The following ZNFX1 variants were observed in gnomAD, a reference collection of about 807,000 sequenced individuals.
The protein encoded by ZNFX1 is NFX1-type zinc finger-containing protein 1.
A neutral mutation model predicts 179.8 loss-of-function variants in ZNFX1; 78 were observed. The observed-to-expected ratio is 0.43, with a 90% CI of 0.36 to 0.52. The LOEUF (loss-of-function observed/expected upper bound fraction) is 0.52. Among genes scored for constraint, ZNFX1 ranks in the 20% least tolerant of loss-of-function variants. The probability of loss-of-function intolerance (pLI) is 0.00; values close to 1 mark genes in which losing one functional copy is unlikely to be tolerated. For synonymous variants in ZNFX1, 848 were observed against 868.5 expected, an observed-to-expected ratio of 0.98 and a Z score of 0.42; for missense variants, 1,927 against 2,386.6, an observed-to-expected ratio of 0.81 and a Z score of 4.01.
chr20:49,251,633 A>G lies in ZNFX1; in HGVS notation c.3217-11T>C. On this transcript the variant is annotated splice_polypyrimidine_tract_variant and intron_variant, in intron 12 of 13. Transcript: ENST00000396105. ...AGGGCACATACGGTGCTGAAAAAAC[A>G]CATGCATGTCATTAGAAACATGGGC... The G allele has an allele frequency of 6.2e-7, 1 of 1,600,854 alleles. No homozygotes were observed. The highest frequency in any genetic ancestry group is 8.5e-7 in the Non-Finnish European group (1 of 1,173,202).
At chr20:49,251,749 T>TGATGGGATTA in intron 12 of ZNFX1, 127 bp from the exon 13 acceptor site, 3 of 675,440 alleles carry the variant, frequency 4.4e-6, no homozygotes, top group Non-Finnish European at 7.2e-6. Flanking sequence ...TGTAATCCCA[T>TGATGGGATTA]CACTTTGGGA....
chr20:49,258,298 T>G (rs1748196668), intron 7 of ZNFX1, among the ~76,000 whole-genome samples: 1 of 151,420 alleles, frequency 6.6e-6, no homozygotes, highest in Non-Finnish European at 1.5e-5. Context: ...TTTCTCCATG[T>G]TGGTCAGGCT....
chr20:49,253,952 C>T (rs1287467756), intron 10 of ZNFX1, 141 bp from the exon 11 acceptor site: 8 of 942,336 alleles, frequency 8.5e-6, no homozygotes, highest in Non-Finnish European at 1.3e-5. Flanking sequence ...TCTGGGTGGT[C>T]TCCAGAACAT....
Position 49,263,401 on chromosome 20 carries a change from C to CA in ZNFX1, c.2233_2234insT (p.Arg745LeufsTer25). The CA allele has an allele frequency of 4.3e-6, 7 of 1,613,852 alleles. No individual in the cohort carries two copies. The highest frequency in any genetic ancestry group is 5.9e-6 in the Non-Finnish European group (7 of 1,179,946). ...GATGTACTTCTGCAGGTACTGTTCCCGTAGGACACCACGCATGGTGCACTC... is the reference window on the plus strand; with the variant it reads ...GATGTACTTCTGCAGGTACTGTTCCCAGTAGGACACCACGCATGGTGCACTC... On this transcript the variant is annotated frameshift_variant, in exon 6 of 14. Coordinates refer to ENST00000396105, the MANE Select transcript of ZNFX1 (RefSeq NM_021035.3). LOFTEE classifies it high-confidence loss of function.
rs1284244795 is a variant in ZNFX1 at position 49,246,137 on chromosome 20, G to C, written c.*1130C>G. Reference sequence around the variant, plus strand: ...GCATGCTAGCTCTACCCAGGGAACAGCTCCAAGAGGGAGTGTTGGGATGAA... The same window carrying C: ...GCATGCTAGCTCTACCCAGGGAACACCTCCAAGAGGGAGTGTTGGGATGAA... On this transcript the variant is annotated 3_prime_UTR_variant, in exon 14 of 14. Transcript: ENST00000396105. 6.6e-6 allele frequency: 1 copy of C among 152,234 alleles called. No homozygotes were observed. Among genetic ancestry groups the C allele is most frequent in the East Asian group, 1.9e-4 (1 of 5,194 alleles). The allele number at this position is 152,234 out of a possible 1,614,324, so 9.4% of individuals were successfully genotyped here. A position where few individuals can be genotyped will look rare whatever the true frequency, so the allele number is the denominator to read the frequency against.
At position 49,255,881 on chromosome 20, in the gene ZNFX1, T is replaced by A; in HGVS notation, c.2731A>T (p.Met911Leu). Reference sequence around the variant, plus strand: ...ATCTCGTTGGCCTCGGCTGCAGTCATGGTGTTCAGTTTGCGAAGCTCATCC... The same window carrying A: ...ATCTCGTTGGCCTCGGCTGCAGTCAAGGTGTTCAGTTTGCGAAGCTCATCC... ...VKDELRKLNT[M>L]TAAEANEIED... Residue 911 changes from methionine to leucine, a missense_variant, in exon 9 of 14, where the codon ATG (methionine) becomes TTG (leucine). By Grantham distance (15) the Met-to-Leu change is conservative. Coordinates refer to ENST00000396105, the MANE Select transcript of ZNFX1 (RefSeq NM_021035.3). 1 of 1,614,208 alleles carries A rather than the reference T, an allele frequency of 6.2e-7. No individual in the cohort carries two copies. Among genetic ancestry groups the A allele is most frequent in the Non-Finnish European group, 8.5e-7 (1 of 1,180,036 alleles).
At chr20:49,254,994 C>G (rs1370380719) in intron 9 of ZNFX1, among the ~76,000 whole-genome samples, 2 of 151,632 alleles carry the variant, frequency 1.3e-5, no homozygotes, top group African/African-American at 4.8e-5. Flanking sequence ...ATTAGTAAAA[C>G]TGATGATGTC....
At chr20:49,257,978 C>T (rs1981013955) in intron 7 of ZNFX1, among the ~76,000 whole-genome samples, 1 of 151,720 alleles carries the variant, frequency 6.6e-6, no homozygotes, top group South Asian at 2.1e-4. Flanking sequence ...TCCCAAAGTG[C>T]TGGGATTACA....
rs370452138 is a variant in ZNFX1, at chr20:49,264,561, A to G, written c.2151+155T>C. Among the ~76,000 whole-genome samples the G allele has an allele frequency of 9.9e-5, 15 of 152,268 alleles. No individual in the cohort carries two copies. In the East Asian group the frequency reaches 2.5e-3, roughly 25 times the overall value. ...GGATTGTGAAGGCAAAGGTCATACC[A>G]AGGGATTGGCAGAATAGAATGCTGA... On this transcript the variant is annotated intron_variant, in intron 5 of 13. Coordinates refer to ENST00000396105, the MANE Select transcript of ZNFX1 (RefSeq NM_021035.3).
At chr20:49,252,950 T>C in intron 11 of ZNFX1, 120 bp from the exon 12 acceptor site, 1 of 722,882 alleles carries the variant, frequency 1.4e-6, no homozygotes. Flanking sequence ...CCAGGCACTA[T>C]TCTACATACT....
rs1416690108 is a variant in ZNFX1, at chr20:49,275,882, G to A, written c.-43C>T. The A allele has an allele frequency of 1.2e-6, 2 of 1,604,630 alleles. No homozygotes were observed. The highest frequency in any genetic ancestry group is 1.7e-6 in the Non-Finnish European group (2 of 1,171,732). On this transcript the variant is annotated 5_prime_UTR_variant, in exon 2 of 14. Coordinates refer to ENST00000396105, the MANE Select transcript of ZNFX1 (RefSeq NM_021035.3). ...TCCTTCACGTTACTTTCTGTTATCT[G>A]GAAAACTGCACATGTTGAGTTATCA...
intron 4 of ZNFX1, among the ~76,000 whole-genome samples, chr20:49,265,246 G>T (rs1314360191): frequency 6.6e-6 from 1 of 152,170 alleles, no homozygotes; most frequent in Admixed American, 6.6e-5. Flanking sequence ...CCTAGCTAGG[G>T]CCCAGCACAA....
chr20:49,256,699 A>G (rs1332641445), intron 8 of ZNFX1, among the ~76,000 whole-genome samples: 1 of 152,226 alleles, frequency 6.6e-6, no homozygotes, highest in East Asian at 1.9e-4. Context: ...GCTTCTAAGA[A>G]TTGAGATCAT....
In ZNFX1 at chr20:49,271,471, T is replaced by C. The variant is rs1279181982; in HGVS notation, c.341A>G (p.Asn114Ser). The C allele has an allele frequency of 6.2e-7, 1 of 1,614,130 alleles. No homozygotes were observed. Among genetic ancestry groups the C allele is most frequent in the Non-Finnish European group, 8.5e-7 (1 of 1,180,008 alleles). Residue 114 changes from asparagine (N) to serine (S), a missense_variant, in exon 3 of 14, where the codon AAC becomes AGC. By Grantham distance (46) the Asn-to-Ser change is conservative. Transcript: ENST00000396105. ...GTCATTGGACCATGGTGGTCTGCGG[T>C]TCCTACAGTCCTGGTTGCCATTTCT... ...RWRNGNQDCRNRRPPWSNDNF... is the reference protein window; with the variant it reads ...RWRNGNQDCRSRRPPWSNDNF...
In ZNFX1 at chr20:49,253,827, A is replaced by T. The variant is rs1431734732; in HGVS notation, c.2960-16T>A. Reference sequence around the variant, plus strand: ...TTGGCAGCACCTCAAGTGAGGAAAGAAGAGAAAGGCTCCTCTGAGCTGAGG... The same window carrying T: ...TTGGCAGCACCTCAAGTGAGGAAAGTAGAGAAAGGCTCCTCTGAGCTGAGG... On this transcript the variant is annotated splice_polypyrimidine_tract_variant and intron_variant, in intron 10 of 13. Coordinates refer to ENST00000396105, the MANE Select transcript of ZNFX1 (RefSeq NM_021035.3). 1 of 1,613,582 alleles carries T rather than the reference A, an allele frequency of 6.2e-7. No individual in the cohort carries two copies. Among genetic ancestry groups the T allele is most frequent in the Admixed American group, 1.7e-5 (1 of 60,008 alleles).
At position 49,247,208 on chromosome 20, in the gene ZNFX1, T is replaced by C. The variant is rs1980698333; in HGVS notation, c.*59A>G. On this transcript the variant is annotated 3_prime_UTR_variant, in exon 14 of 14. Coordinates refer to ENST00000396105, the MANE Select transcript of ZNFX1 (RefSeq NM_021035.3). ...AAAAAACAAACTTCAGTTCCTTCATTAGGGAGCTGGCCCCAGTCATTCAGT... is the reference window on the plus strand; with the variant it reads ...AAAAAACAAACTTCAGTTCCTTCATCAGGGAGCTGGCCCCAGTCATTCAGT... 1.3e-6 allele frequency: 2 copies of C among 1,534,790 alleles called. No homozygotes were observed. The highest frequency in any genetic ancestry group is 2.1e-5 in the Admixed American group (1 of 47,870).
intron 1 of ZNFX1, among the ~76,000 whole-genome samples, chr20:49,276,883 C>T (rs572430624): frequency 4.5e-4 from 68 of 152,258 alleles, no homozygotes; most frequent in South Asian, 2.9e-3. Context: ...GCCCTCCTGG[C>T]GCAGGCTCAG....
chr20:49,268,516 CA>C (rs1449412100), intron 3 of ZNFX1, among the ~76,000 whole-genome samples: 1 of 152,038 alleles, frequency 6.6e-6, no homozygotes, highest in Non-Finnish European at 1.5e-5. Flanking sequence ...CAAAAATTGA[CA>C]AGTGGTACCT....
chr20:49,277,595 G>A (rs1340317172), intron 1 of ZNFX1, among the ~76,000 whole-genome samples: 1 of 151,716 alleles, frequency 6.6e-6, no homozygotes, highest in Non-Finnish European at 1.5e-5. Context: ...TGACGGTGTC[G>A]GGGGTGCTGG....
Sources: allele counts gnomAD v4.1 joint callset (sites outside exome capture counted in the v4.1 genomes callset), GRCh38; gene constraint gnomAD v4.1.1; transcripts MANE v1.5; gene names NCBI Gene and HGNC (gene_info 2026-07-23, HGNC 2026-07-21).